The following TAF3 variants were observed in gnomAD, a reference collection of about 807,000 sequenced individuals.
The protein encoded by TAF3 is transcription initiation factor TFIID subunit 3.
TAF3 carries 7 observed loss-of-function variants against 80.6 expected under a neutral mutation model. That is an observed-to-expected ratio of 0.09 (90% confidence interval 0.05 to 0.16). The LOEUF (loss-of-function observed/expected upper bound fraction) is 0.16. Ranked by LOEUF, TAF3 falls within the 10% of genes least tolerant of loss-of-function variation. TAF3 has a pLI of 1.00. For missense variants in TAF3, 921 were observed against 1,140.2 expected (o/e 0.81, Z 2.77); for synonymous variants, 444 against 446.1 (o/e 1.00, Z 0.06).
Position 7,964,654 on chromosome 10 carries a change from G to A in TAF3, c.1144G>A (p.Val382Ile), listed in dbSNP as rs1178117441. 3 of 1,614,208 alleles carry A rather than the reference G, an allele frequency of 1.9e-6. No individual in the cohort carries two copies. Among genetic ancestry groups the A allele is most frequent in the Non-Finnish European group, 2.5e-6 (3 of 1,180,034 alleles). ...TGAGAATCAGCCGAAAAAGGCTGTG[G>A]TAGCAGATAAAACGATTGAGGCCTC... ...NSENQPKKAVVADKTIEASID... is the reference protein window; with the variant it reads ...NSENQPKKAVIADKTIEASID... The change falls in exon 3 of 7, where the codon GTA becomes ATA. Residue 382 changes from valine to isoleucine, a missense_variant. Coordinates refer to ENST00000344293, the MANE Select transcript of TAF3 (RefSeq NM_031923.4). This position sits in a 1 kb window ranked among gnomAD's most constrained non-coding sequence, Gnocchi z 4.1.
At chr10:7,994,695 T>A (rs1831867389) in intron 4 of TAF3, among the ~76,000 whole-genome samples, 1 of 151,222 alleles carries the variant, frequency 6.6e-6, no homozygotes, top group African/African-American at 2.4e-5. Flanking sequence ...CCAGGCACAG[T>A]GGCCCACGCC....
At chr10:7,945,793 G>T (rs76013127) in intron 2 of TAF3, among the ~76,000 whole-genome samples, 2,572 of 152,206 alleles carry the variant, frequency 0.017, 32 homozygotes, top group South Asian at 0.031. Context: ...GTCTAAAGTC[G>T]CCCTTTTTCT....
chr10:7,884,258 C>T (rs1208666038), intron 2 of TAF3, among the ~76,000 whole-genome samples: 1 of 152,154 alleles, frequency 6.6e-6, no homozygotes, highest in African/African-American at 2.4e-5. Flanking sequence ...CAAGCTCCCT[C>T]CTATGTCCTT....
intron 4 of TAF3, 48 bp downstream of exon 4, chr10:7,977,371 T>C: frequency 6.4e-7 from 1 of 1,565,952 alleles, no homozygotes; most frequent in Non-Finnish European, 8.8e-7. Flanking sequence ...AAATTTAACC[T>C]TCTCTACTCT....
At chr10:7,900,780 A>T (rs1227583383) in intron 2 of TAF3, among the ~76,000 whole-genome samples, 2 of 152,170 alleles carry the variant, frequency 1.3e-5, no homozygotes, top group East Asian at 3.8e-4. Flanking sequence ...TGTTTTACTG[A>T]ACTTTTTGCT....
At chr10:7,999,360 G>A (rs1343730775) in intron 4 of TAF3, among the ~76,000 whole-genome samples, 1 of 151,372 alleles carries the variant, frequency 6.6e-6, no homozygotes, top group Non-Finnish European at 1.5e-5. Context: ...AGCAACTATG[G>A]GCAATGTATT....
chr10:7,836,728 C>A (rs1427715301), intron 2 of TAF3, among the ~76,000 whole-genome samples: 2 of 152,206 alleles, frequency 1.3e-5, no homozygotes, highest in Non-Finnish European at 1.5e-5. Context: ...TGCTAATTTT[C>A]TTTCTTAAAA....
Position 7,964,730 on chromosome 10 carries a change from T to A in TAF3, c.1220T>A (p.Phe407Tyr). ...RACAEREPDP[F>Y]EFSSGSESEG... Reference sequence around the variant, plus strand: ...TGTGCTGAGCGAGAGCCAGATCCTTTCGAATTTTCTTCTGGATCGGAATCT... The same window carrying A: ...TGTGCTGAGCGAGAGCCAGATCCTTACGAATTTTCTTCTGGATCGGAATCT... The change falls in exon 3 of 7, where the codon TTC (phenylalanine) becomes TAC (tyrosine). Residue 407 changes from phenylalanine to tyrosine, a missense_variant. By Grantham distance (22) the Phe-to-Tyr change is conservative (BLOSUM62 3). Around this residue, in one of 6 missense-constraint regions of TAF3, gnomAD observed 743 missense variants for 821.0 expected, o/e 0.90. Transcript: ENST00000344293. This position sits in a 1 kb window ranked among gnomAD's most constrained non-coding sequence, Gnocchi z 4.1. 6.2e-7 allele frequency: 1 copy of A among 1,614,168 alleles called. No homozygotes were observed. The highest frequency in any genetic ancestry group is 1.7e-5 in the Admixed American group (1 of 60,030).
At chr10:7,953,927 A>G (rs1008099276) in intron 2 of TAF3, among the ~76,000 whole-genome samples, 6 of 144,628 alleles carry the variant, frequency 4.1e-5, no homozygotes, top group African/African-American at 1.5e-4. Context: ...GAATGAGCGG[A>G]TTAGTCCTAG....
intron 4 of TAF3, among the ~76,000 whole-genome samples, chr10:8,004,025 A>G (rs1379522314): frequency 2.6e-5 from 4 of 152,124 alleles, no homozygotes; most frequent in Non-Finnish European, 5.9e-5. Flanking sequence ...AAATATTTTT[A>G]AACTTTTCAG....
intron 2 of TAF3, among the ~76,000 whole-genome samples, chr10:7,956,481 C>T (rs1184879212): frequency 1.3e-5 from 2 of 152,006 alleles, no homozygotes; most frequent in African/African-American, 2.4e-5. Context: ...AGTGAGACTC[C>T]ATCTCAAAAA....
At chr10:7,825,173 A>G (rs747398011) in intron 2 of TAF3, among the ~76,000 whole-genome samples, 1 of 152,172 alleles carries the variant, frequency 6.6e-6, no homozygotes, top group Non-Finnish European at 1.5e-5. Flanking sequence ...TTCTAAGGAG[A>G]TATTTAAGTA....
At chr10:7,951,065 C>T (rs2131403384) in intron 2 of TAF3, among the ~76,000 whole-genome samples, 1 of 152,312 alleles carries the variant, frequency 6.6e-6, no homozygotes, top group Non-Finnish European at 1.5e-5. Context: ...CAAGGGTATG[C>T]ATCGATTAGC....
At position 7,818,549 on chromosome 10, in the gene TAF3, G is replaced by T. The variant is rs2131092569; in HGVS notation, c.-161G>T. 1.5e-6 allele frequency: 1 copy of T among 683,600 alleles called. No individual in the cohort carries two copies. The highest frequency in any genetic ancestry group is 3.4e-5 in the East Asian group (1 of 29,550). The allele number at this position is 683,600 out of a possible 1,614,324, so 42.3% of individuals were successfully genotyped here. On this transcript the variant is annotated 5_prime_UTR_variant, in exon 1 of 7. Coordinates refer to ENST00000344293, the MANE Select transcript of TAF3 (RefSeq NM_031923.4). ...CCAAAATGGCGGCTCTCAGGCTGGC[G>T]CGCTCCGTGCTGCTGGGGCTTTGAG... is the stretch of plus-strand genomic sequence containing the variant.
chr10:7,977,143 T>C, intron 3 of TAF3, 98 bp from the exon 4 acceptor site: 1 of 1,193,880 alleles, frequency 8.4e-7, no homozygotes, highest in East Asian at 2.4e-5. Flanking sequence ...AGGCTTCAAC[T>C]TTTTAACTCA....
chr10:7,838,378 GT>G (rs1374754432), intron 2 of TAF3, among the ~76,000 whole-genome samples: 41 of 102,274 alleles, frequency 4.0e-4, no homozygotes, highest in African/African-American at 1.1e-3. Context: ...TGTTGTTGTT[GT>G]TTGTTTGTTT....
chr10:7,886,170 C>G (rs921771123), intron 2 of TAF3, among the ~76,000 whole-genome samples: 49 of 152,228 alleles, frequency 3.2e-4, no homozygotes, highest in African/African-American at 9.9e-4. Context: ...TTCAAGTGAT[C>G]CTCCTGCTTT....
chr10:7,896,443 C>A (rs925521713), intron 2 of TAF3, among the ~76,000 whole-genome samples: 1 of 152,078 alleles, frequency 6.6e-6, no homozygotes, highest in Non-Finnish European at 1.5e-5. Context: ...TCTTTGAGAC[C>A]ACCACTTGTC....
At chr10:7,982,382 T>C (rs1831733937) in intron 4 of TAF3, among the ~76,000 whole-genome samples, 1 of 152,180 alleles carries the variant, frequency 6.6e-6, no homozygotes, top group Non-Finnish European at 1.5e-5. Flanking sequence ...TTTTTAAAAT[T>C]AATTTGTTTT....
Sources: allele counts gnomAD v4.1 joint callset (sites outside exome capture counted in the v4.1 genomes callset), GRCh38; gene constraint gnomAD v4.1.1; regional missense constraint gnomAD v4.1.1; non-coding constraint Gnocchi (gnomAD v3.1); transcripts MANE v1.5; gene names NCBI Gene and HGNC (gene_info 2026-07-23, HGNC 2026-07-21).